Variants in GPR158 observed in about 807,000 individuals in gnomAD.
GPR158 encodes G protein-coupled receptor 158, also known as metabotropic glycine receptor.
In GPR158, 30 loss-of-function variants were observed where a neutral mutation model predicts 78.2. That is an observed-to-expected ratio of 0.38 (90% CI 0.29 to 0.52). GPR158 has a LOEUF of 0.52. Among genes scored for constraint, GPR158 ranks in the 20% least tolerant of loss-of-function variants. GPR158 has a pLI of 0.83. For missense variants in GPR158, 1,463 were observed against 1,523.5 expected, an observed-to-expected ratio of 0.96 and a Z score of 0.66; for synonymous variants, 581 against 591.1, an observed-to-expected ratio of 0.98 and a Z score of 0.25.
intron 2 of GPR158, among the ~76,000 whole-genome samples, chr10:25,274,195 T>C (rs938137760): frequency 5.3e-5 from 8 of 152,224 alleles, no homozygotes; most frequent in Admixed American, 2.0e-4. Flanking sequence ...TGCTCAGCTC[T>C]TTCTAAACAT....
chr10:25,222,112 A>C (rs1853306791), intron 2 of GPR158, among the ~76,000 whole-genome samples: 1 of 152,162 alleles, frequency 6.6e-6, no homozygotes, highest in South Asian at 2.1e-4. Flanking sequence ...GCACAGGTAT[A>C]CATGCATGCA....
chr10:25,386,497 C>T (rs1242329156), intron 2 of GPR158, among the ~76,000 whole-genome samples: 1 of 152,144 alleles, frequency 6.6e-6, no homozygotes, highest in Non-Finnish European at 1.5e-5. Flanking sequence ...ATATGGATTA[C>T]ATTCAATCTG....
At chr10:25,451,739 G>A (rs577846233) in intron 4 of GPR158, among the ~76,000 whole-genome samples, 1 of 152,260 alleles carries the variant, frequency 6.6e-6, no homozygotes, top group Non-Finnish European at 1.5e-5. Context: ...TGTTGTGAGG[G>A]TTAAATGTGT....
At chr10:25,422,624 T>G (rs1834765863) in intron 4 of GPR158, among the ~76,000 whole-genome samples, 1 of 60,508 alleles carries the variant, frequency 1.7e-5, no homozygotes. Context: ...TTTCATTGTA[T>G]TTGCAAAAAA....
intron 1 of GPR158, among the ~76,000 whole-genome samples, chr10:25,220,118 T>C (rs1288987850): frequency 1.3e-5 from 2 of 152,272 alleles, no homozygotes; most frequent in South Asian, 2.1e-4. Context: ...CTTTGAGTAG[T>C]TTGTAGTGGG....
chr10:25,317,667 A>G (rs1588795631), intron 2 of GPR158, among the ~76,000 whole-genome samples: 2 of 151,046 alleles, frequency 1.3e-5, no homozygotes, highest in African/African-American at 4.9e-5. Context: ...GTTTAGGTTT[A>G]AATCAGCTGA....
intron 2 of GPR158, among the ~76,000 whole-genome samples, chr10:25,325,468 T>TACACACACACACAC (rs3054025): frequency 9.3e-5 from 14 of 150,086 alleles, no homozygotes; most frequent in African/African-American, 3.4e-4. Flanking sequence ...TATATATAAT[T>TACACACACACACAC]ACACACACAC....
chr10:25,377,606 T>C (rs899192493), intron 2 of GPR158, among the ~76,000 whole-genome samples: 2 of 152,182 alleles, frequency 1.3e-5, no homozygotes, highest in African/African-American at 4.8e-5. Flanking sequence ...ATTCTGGACA[T>C]TTTATATAAG....
chr10:25,252,315 G>C (rs374175885), intron 2 of GPR158, among the ~76,000 whole-genome samples: 2 of 152,084 alleles, frequency 1.3e-5, no homozygotes, highest in South Asian at 2.1e-4. Context: ...CTCTCAGCTC[G>C]TCAAAGTCAT....
intron 5 of GPR158, among the ~76,000 whole-genome samples, chr10:25,545,561 G>C (rs571473839): frequency 3.4e-4 from 52 of 151,822 alleles, no homozygotes; most frequent in African/African-American, 1.0e-3. Context: ...GTTGTTTATA[G>C]ATAATATTTT....
At chr10:25,264,263 A>G (rs1360836854) in intron 2 of GPR158, among the ~76,000 whole-genome samples, 2 of 152,206 alleles carry the variant, frequency 1.3e-5, no homozygotes, top group Admixed American at 1.3e-4. Flanking sequence ...GGTGGTAAGC[A>G]GGTCTGCAGT....
chr10:25,515,581 C>T (rs930764606), intron 5 of GPR158, among the ~76,000 whole-genome samples: 3 of 129,652 alleles, frequency 2.3e-5, no homozygotes, highest in African/African-American at 8.5e-5. Flanking sequence ...CATGTGATCT[C>T]ATTGTTCAAT....
chr10:25,373,848 T>A (rs931086996), intron 2 of GPR158, among the ~76,000 whole-genome samples: 1 of 151,856 alleles, frequency 6.6e-6, no homozygotes, highest in African/African-American at 2.4e-5. Context: ...TAGTCCACTG[T>A]ATATTCAAAT....
At chr10:25,543,243 C>T (rs906159668) in intron 5 of GPR158, among the ~76,000 whole-genome samples, 1 of 152,084 alleles carries the variant, frequency 6.6e-6, no homozygotes, top group African/African-American at 2.4e-5. Context: ...GCCTCAGTCC[C>T]CCAAGTAGCT....
At chr10:25,237,174 T>G (rs1053438301) in intron 2 of GPR158, among the ~76,000 whole-genome samples, 1 of 152,168 alleles carries the variant, frequency 6.6e-6, no homozygotes, top group African/African-American at 2.4e-5. Flanking sequence ...CTAATTTATC[T>G]TAAGACCCAT....
At chr10:25,411,457 G>A (rs1007111159) in intron 3 of GPR158, among the ~76,000 whole-genome samples, 2 of 152,100 alleles carry the variant, frequency 1.3e-5, no homozygotes, top group African/African-American at 4.8e-5. Context: ...ATGAATTAAG[G>A]AGCAGTCAAA....
chr10:25,434,994 A>G (rs183783582), intron 4 of GPR158, among the ~76,000 whole-genome samples: 206 of 152,344 alleles, frequency 1.4e-3, no homozygotes, highest in African/African-American at 4.9e-3. Context: ...ATACTTCAAT[A>G]TGAACCCTGG....
chr10:25,471,917 G>A (rs1169491842), intron 5 of GPR158, among the ~76,000 whole-genome samples: 4 of 152,094 alleles, frequency 2.6e-5, no homozygotes, highest in African/African-American at 4.8e-5. Flanking sequence ...TAGGTTGCCT[G>A]TTCACTCTGA....
At chr10:25,224,184 C>T (rs1188460962) in intron 2 of GPR158, among the ~76,000 whole-genome samples, 16 of 152,098 alleles carry the variant, frequency 1.1e-4, no homozygotes, top group Admixed American at 1.0e-3. Flanking sequence ...TCAGTTTTCA[C>T]ATCCTCTCCT....
Sources: allele counts gnomAD v4.1 joint callset (sites outside exome capture counted in the v4.1 genomes callset), GRCh38; gene constraint gnomAD v4.1.1; transcripts MANE v1.5; gene names NCBI Gene and HGNC (gene_info 2026-07-23, HGNC 2026-07-21).